C1orf87: variants seen among roughly 807,000 people sequenced by gnomAD.
C1orf87 encodes the protein uncharacterized protein C1orf87.
Under a neutral mutation model 60.5 loss-of-function variants are expected in C1orf87, and 58 were observed. That is an observed-to-expected ratio of 0.96 (90% CI 0.78 to 1.19). The LOEUF is 1.19. Ranked by LOEUF, C1orf87 falls within the 50% of genes most tolerant of loss-of-function variation. The pLI, the probability that C1orf87 is intolerant of heterozygous loss-of-function variation, is 0.00. For missense variants in C1orf87, 673 were observed against 638.6 expected (o/e 1.05, Z -0.58); for synonymous variants, 236 against 227.4 (o/e 1.04, Z -0.34).
intron 6 of C1orf87, 71 bp downstream of exon 6, chr1:60,037,921 A>AT: frequency 3.2e-6 from 3 of 935,804 alleles, no homozygotes; most frequent in Admixed American, 2.2e-5. Flanking sequence ...AGTTTATGGT[A>AT]CTTTTTTATA....
At chr1:60,070,386 A>C (rs1056174292) in intron 2 of C1orf87, among the ~76,000 whole-genome samples, 2 of 151,990 alleles carry the variant, frequency 1.3e-5, no homozygotes, top group African/African-American at 4.8e-5. Flanking sequence ...ATGCTTCTTA[A>C]GTGGATTTTT....
chr1:60,035,650 C>T (rs565640996), intron 6 of C1orf87, among the ~76,000 whole-genome samples: 56 of 152,294 alleles, frequency 3.7e-4, no homozygotes, highest in African/African-American at 1.3e-3. Context: ...CTGATGAGCT[C>T]AAAATGATTT....
At chr1:60,014,588 T>C (rs1414911626) in intron 8 of C1orf87, among the ~76,000 whole-genome samples, 1 of 152,054 alleles carries the variant, frequency 6.6e-6, no homozygotes, top group Non-Finnish European at 1.5e-5. Context: ...TATAGGCTAT[T>C]TTATTGAAAC....
chr1:60,067,692 AGTTTC>A (rs1340797067), intron 2 of C1orf87, among the ~76,000 whole-genome samples: 1 of 150,376 alleles, frequency 6.6e-6, no homozygotes, highest in Non-Finnish European at 1.5e-5. Flanking sequence ...CTCTGATGAT[AGTTTC>A]GTTTGCTGTG....
chr1:60,003,736 A>G (rs1170029396), intron 9 of C1orf87, among the ~76,000 whole-genome samples: 2 of 151,436 alleles, frequency 1.3e-5, no homozygotes, highest in Admixed American at 6.6e-5. Context: ...TTAGAATTAA[A>G]TACTCAATGA....
chr1:60,017,020 G>C (rs1645128670), intron 8 of C1orf87, among the ~76,000 whole-genome samples: 1 of 152,186 alleles, frequency 6.6e-6, no homozygotes, highest in Admixed American at 6.5e-5. Context: ...TGAAGGTAGA[G>C]AACCTACATT....
intron 11 of C1orf87, among the ~76,000 whole-genome samples, chr1:59,994,304 T>C (rs912894403): frequency 1.3e-5 from 2 of 152,052 alleles, no homozygotes; most frequent in Non-Finnish European, 2.9e-5. Context: ...GTGTGCTCTT[T>C]CTAGTATGTC....
intron 3 of C1orf87, among the ~76,000 whole-genome samples, chr1:60,053,241 T>A (rs1055435617): frequency 3.3e-5 from 5 of 152,202 alleles, no homozygotes; most frequent in African/African-American, 1.2e-4. Context: ...TTAAGTGAAC[T>A]GTGTTATATC....
At chr1:60,048,565 T>C (rs1645390054) in intron 3 of C1orf87, among the ~76,000 whole-genome samples, 1 of 152,184 alleles carries the variant, frequency 6.6e-6, no homozygotes, top group Non-Finnish European at 1.5e-5. Context: ...ACAAATTGAT[T>C]TTCTTAACAT....
intron 5 of C1orf87, among the ~76,000 whole-genome samples, chr1:60,039,566 G>T (rs1645303001): frequency 6.6e-6 from 1 of 152,140 alleles, no homozygotes; most frequent in South Asian, 2.1e-4. Flanking sequence ...GCAGATCTTA[G>T]CTCAGTCTCA....
chr1:60,012,631 G>T (rs988218621), intron 8 of C1orf87, among the ~76,000 whole-genome samples: 1 of 152,086 alleles, frequency 6.6e-6, no homozygotes, highest in Admixed American at 6.6e-5. Flanking sequence ...TGTCAAGCCA[G>T]GCAGATCAGG....
At chr1:60,019,047 C>T (rs953089410) in intron 8 of C1orf87, among the ~76,000 whole-genome samples, 1 of 152,122 alleles carries the variant, frequency 6.6e-6, no homozygotes, top group African/African-American at 2.4e-5. Flanking sequence ...AAGTAAATTC[C>T]TTAAACATTT....
intron 3 of C1orf87, among the ~76,000 whole-genome samples, chr1:60,044,062 C>T (rs2100302215): frequency 6.6e-6 from 1 of 152,296 alleles, no homozygotes; most frequent in East Asian, 1.9e-4. Context: ...CGGAGTCTCG[C>T]TCTGTTGTCC....
At chr1:60,061,808 G>T (rs1441266483) in intron 2 of C1orf87, among the ~76,000 whole-genome samples, 1 of 122,742 alleles carries the variant, frequency 8.1e-6, no homozygotes, top group Non-Finnish European at 1.8e-5. Flanking sequence ...AAAAATAGCT[G>T]GGCTTTGTGG....
chr1:60,066,172 G>A (rs1645544693), intron 2 of C1orf87, among the ~76,000 whole-genome samples: 1 of 152,112 alleles, frequency 6.6e-6, no homozygotes, highest in African/African-American at 2.4e-5. Flanking sequence ...AGGTTGCAGT[G>A]GTTGTGCAAT....
chr1:60,020,402 C>G (rs537984616), intron 8 of C1orf87, among the ~76,000 whole-genome samples: 2 of 152,318 alleles, frequency 1.3e-5, no homozygotes, highest in Admixed American at 1.3e-4. Context: ...GCATTCAATG[C>G]AAGCCTGTGA....
At chr1:60,025,936 G>T (rs1422824699) in intron 7 of C1orf87, among the ~76,000 whole-genome samples, 1 of 152,144 alleles carries the variant, frequency 6.6e-6, no homozygotes, top group Non-Finnish European at 1.5e-5. Flanking sequence ...TTTTATATAT[G>T]AGGAAACAAA....
At chr1:60,058,239 C>T (rs546301764) in intron 2 of C1orf87, among the ~76,000 whole-genome samples, 2 of 152,204 alleles carry the variant, frequency 1.3e-5, no homozygotes, top group South Asian at 2.1e-4. Context: ...GAAAGCATAA[C>T]GGGGTTTCTG....
At chr1:60,026,190 T>A (rs1182714273) in intron 7 of C1orf87, among the ~76,000 whole-genome samples, 3 of 152,214 alleles carry the variant, frequency 2.0e-5, no homozygotes, top group Admixed American at 6.5e-5. Context: ...TAACTTTTGT[T>A]GTATATTTAG....
Sources: allele counts gnomAD v4.1 joint callset (sites outside exome capture counted in the v4.1 genomes callset), GRCh38; gene constraint gnomAD v4.1.1; transcripts MANE v1.5; gene names NCBI Gene and HGNC (gene_info 2026-07-23, HGNC 2026-07-21).